The following LRP1B variants were observed in gnomAD, a reference collection of about 807,000 sequenced individuals.
LRP1B encodes the protein LDL receptor related protein 1B, also known as low-density lipoprotein receptor-related protein 1B.
Under a neutral mutation model 556.6 loss-of-function variants are expected in LRP1B, and 217 were observed. The ratio of observed to expected loss-of-function variants is 0.39; its 90% CI spans 0.35 to 0.44. The LOEUF (loss-of-function observed/expected upper bound fraction) is 0.44, where lower values mean the gene tolerates loss of function less well. Ranked by LOEUF, LRP1B falls within the 20% of genes least tolerant of loss-of-function variation. The pLI, the probability that LRP1B is intolerant of heterozygous loss-of-function variation, is 1.00. For synonymous variants in LRP1B, 2,047 were observed against 1,865.8 expected, an observed-to-expected ratio of 1.10 and a Z score of -2.50; for missense variants, 5,053 against 5,620.8, an observed-to-expected ratio of 0.90 and a Z score of 3.23.
At chr2:141,047,988 A>G (rs1376949222) in intron 11 of LRP1B, among the ~76,000 whole-genome samples, 4 of 152,120 alleles carry the variant, frequency 2.6e-5, no homozygotes. Flanking sequence ...TATTTCTTCA[A>G]GACAGCTTTG....
At chr2:141,495,632 G>A (rs769917769) in intron 2 of LRP1B, among the ~76,000 whole-genome samples, 3 of 151,972 alleles carry the variant, frequency 2.0e-5, no homozygotes, top group East Asian at 1.9e-4. Context: ...TGCTGAAGAA[G>A]GTATTTGTCA....
At chr2:140,713,514 A>C (rs1296863873) in intron 37 of LRP1B, among the ~76,000 whole-genome samples, 1 of 152,124 alleles carries the variant, frequency 6.6e-6, no homozygotes, top group Non-Finnish European at 1.5e-5. Context: ...CGATAAACTC[A>C]CATCACAACT....
intron 3 of LRP1B, among the ~76,000 whole-genome samples, chr2:141,336,103 C>T (rs1330481706): frequency 8.7e-6 from 1 of 115,388 alleles, no homozygotes; most frequent in Non-Finnish European, 1.8e-5. Context: ...ATGAAATATC[C>T]CAGACCTGTC....
intron 18 of LRP1B, among the ~76,000 whole-genome samples, chr2:140,959,479 A>T (rs112481279): frequency 0.026 from 3,953 of 151,808 alleles, 85 homozygotes; most frequent in East Asian, 0.049. Context: ...AATAATTACT[A>T]CTAAAATGAA....
chr2:140,969,501 T>C (rs1299599819), intron 18 of LRP1B, among the ~76,000 whole-genome samples: 1 of 152,192 alleles, frequency 6.6e-6, no homozygotes, highest in Non-Finnish European at 1.5e-5. Flanking sequence ...GTGTCTTTAA[T>C]TGGAGCATTT....
intron 7 of LRP1B, among the ~76,000 whole-genome samples, chr2:141,156,245 C>T (rs1403376672): frequency 6.6e-6 from 1 of 152,164 alleles, no homozygotes; most frequent in Non-Finnish European, 1.5e-5. Context: ...GTAGGCTCTT[C>T]AAGGTATAGG....
intron 27 of LRP1B, among the ~76,000 whole-genome samples, chr2:140,862,627 A>G (rs1222406724): frequency 1.3e-5 from 2 of 152,134 alleles, no homozygotes; most frequent in Middle Eastern, 3.2e-3. Context: ...ACCTACAAGC[A>G]TCTCCCAGAT....
intron 6 of LRP1B, among the ~76,000 whole-genome samples, chr2:141,212,092 A>T (rs992655054): frequency 6.6e-6 from 1 of 152,020 alleles, no homozygotes; most frequent in Non-Finnish European, 1.5e-5. Flanking sequence ...AAAAAAGTAA[A>T]GTATTTTGAG....
intron 35 of LRP1B, among the ~76,000 whole-genome samples, chr2:140,722,464 A>C (rs575837305): frequency 6.6e-6 from 1 of 152,188 alleles, no homozygotes; most frequent in South Asian, 2.1e-4. Flanking sequence ...TACTTTTTTC[A>C]ACTATTGTTG....
At chr2:141,104,155 A>C (rs945848666) in intron 7 of LRP1B, among the ~76,000 whole-genome samples, 2 of 152,044 alleles carry the variant, frequency 1.3e-5, no homozygotes, top group Admixed American at 1.3e-4. Context: ...CATGTGTGCT[A>C]AATGTTTAGC....
intron 85 of LRP1B, among the ~76,000 whole-genome samples, chr2:140,272,409 CAA>C (rs1485371765): frequency 1.3e-5 from 2 of 151,832 alleles, no homozygotes; most frequent in African/African-American, 4.8e-5. Context: ...AGATTATGAT[CAA>C]GTCTTTCTTC....
chr2:141,565,470 T>C (rs1457326352), intron 2 of LRP1B, among the ~76,000 whole-genome samples: 3 of 152,206 alleles, frequency 2.0e-5, no homozygotes, highest in African/African-American at 7.2e-5. Context: ...GAGTCTGCAA[T>C]ACCTTTTTTC....
At chr2:141,682,438 G>A (rs1691139331) in intron 2 of LRP1B, among the ~76,000 whole-genome samples, 1 of 151,840 alleles carries the variant, frequency 6.6e-6, no homozygotes, top group African/African-American at 2.4e-5. Context: ...CTGACAGTCA[G>A]GAATTAAATG....
At chr2:141,430,875 A>T (rs567328725) in intron 3 of LRP1B, among the ~76,000 whole-genome samples, 26 of 152,214 alleles carry the variant, frequency 1.7e-4, no homozygotes, top group African/African-American at 6.3e-4. Context: ...CATGCCTGTA[A>T]TCCCAGCACT....
chr2:142,126,200 T>C lies in LRP1B; in HGVS notation c.82+4448A>G, dbSNP rs568733821. 4.6e-5 allele frequency among the ~76,000 whole-genome samples: 7 copies of C among 152,018 alleles called. No homozygotes were observed. In the East Asian group the frequency reaches 9.6e-4, roughly 21 times the overall value. ...TTCTGTTAAAACAAAATACTTGTTATATCGAAATGTATTAGAATATTATAT... is the reference window on the plus strand; with the variant it reads ...TTCTGTTAAAACAAAATACTTGTTACATCGAAATGTATTAGAATATTATAT... On this transcript the variant is annotated intron_variant, in intron 1 of 90. Transcript: ENST00000389484.
intron 1 of LRP1B, among the ~76,000 whole-genome samples, chr2:141,829,067 T>C (rs1258056807): frequency 6.6e-6 from 1 of 152,068 alleles, no homozygotes; most frequent in Non-Finnish European, 1.5e-5. Context: ...CTAATATTAC[T>C]ATCAAGCGAG....
chr2:140,915,476 G>T (rs978821534), intron 21 of LRP1B, among the ~76,000 whole-genome samples: 2 of 119,846 alleles, frequency 1.7e-5, no homozygotes, highest in African/African-American at 3.1e-5. Flanking sequence ...TGGTGAAAAC[G>T]CATCTCTACT....
rs1055658096 is a variant in LRP1B, at chr2:140,274,334, C to T, written c.13142+90G>A. ...ACAATACGGAATTTTAGAATAAAAA[C>T]AATCTACAAAGTTTTTACTATTTAT... On this transcript the variant is annotated intron_variant, in intron 85 of 90. Transcript: ENST00000389484. The T allele has an allele frequency of 1.4e-5, 17 of 1,178,692 alleles. No homozygotes were observed. In the East Asian group the frequency reaches 3.4e-4, roughly 24 times the overall value. 73.0% of individuals were successfully genotyped at this position (1,178,692 alleles called of 1,614,324 possible).
Position 141,013,670 on chromosome 2 carries a change from A to G in LRP1B, c.2266T>C (p.Tyr756His). 6.2e-7 allele frequency: 1 copy of G among 1,612,120 alleles called. No homozygotes were observed. Among genetic ancestry groups the G allele is most frequent in the Non-Finnish European group, 8.5e-7 (1 of 1,178,930 alleles). The change falls in exon 14 of 91, where the codon TAT (tyrosine) becomes CAT (histidine). Residue 756 changes from tyrosine (Y) to histidine (H), a missense_variant. This residue lies in a region of LRP1B where 3,619 missense variants were observed against 3,931.9 expected (regional missense o/e 0.92). Transcript: ENST00000389484. ...AGTTGAAAAATGGAACCATTCATAT[A>G]ATCAGTCCAGAACACATAATTTCCA... is the stretch of plus-strand genomic sequence containing the variant. ...HHGNYVFWTD[Y>H]MNGSIFQLDL...
Sources: gnomAD v4.1 joint callset for allele counts (sites outside exome capture counted in the v4.1 genomes callset) on GRCh38, gnomAD v4.1.1 for gene constraint, gnomAD v4.1.1 regional missense constraint, MANE v1.5 for transcripts, NCBI Gene and HGNC (gene_info 2026-07-23, HGNC 2026-07-21) for gene names.